HCFC2: variants seen among roughly 807,000 people sequenced by gnomAD.
HCFC2 encodes the protein host cell factor 2.
A neutral mutation model predicts 89.2 loss-of-function variants in HCFC2; 18 were observed. That is an observed-to-expected ratio of 0.20 (90% CI 0.14 to 0.30). The LOEUF (loss-of-function observed/expected upper bound fraction) is 0.30, where lower values mean the gene tolerates loss of function less well. HCFC2 is among the 10% of genes least tolerant of loss of function. The pLI is 1.00. For missense variants in HCFC2, 578 were observed against 956.1 expected (o/e 0.60, Z 5.21); for synonymous variants, 308 against 335.7 (o/e 0.92, Z 0.90).
chr12:104,074,248 CCTGCCT>C, intron 3 of HCFC2, among the ~76,000 whole-genome samples: 2 of 152,300 alleles, frequency 1.3e-5, no homozygotes, highest in South Asian at 4.1e-4. Context: ...AGACAGTCCC[CCTGCCT>C]CAGCCTCTTG....
chr12:104,089,354 A>G (rs1308087602), intron 9 of HCFC2, among the ~76,000 whole-genome samples: 1 of 152,070 alleles, frequency 6.6e-6, no homozygotes, highest in Admixed American at 6.6e-5. Context: ...CTCCTTAAAA[A>G]AAATGCAAAA....
intron 1 of HCFC2, 26 bp from the exon 2 acceptor site, chr12:104,066,141 G>A (rs776319133): frequency 1.2e-5 from 19 of 1,607,348 alleles, no homozygotes; most frequent in Non-Finnish European, 1.4e-5. Flanking sequence ...TGTTATAATC[G>A]GTTTTCATTT....
At chr12:104,098,082 G>A (rs568435853) in intron 12 of HCFC2, 25 of 325,510 alleles carry the variant, frequency 7.7e-5, no homozygotes, top group African/African-American at 5.1e-4. Context: ...ATCACTGATT[G>A]GAAAGCATGC....
At chr12:104,065,999 C>T (rs1883117703) in intron 1 of HCFC2, among the ~76,000 whole-genome samples, 168 bp from the exon 2 acceptor site, 1 of 151,980 alleles carries the variant, frequency 6.6e-6, no homozygotes, top group South Asian at 2.1e-4. Flanking sequence ...CAGTAACAGC[C>T]CCCTCCAGTT....
chr12:104,087,911 C>T, intron 8 of HCFC2, 75 bp from the exon 9 acceptor site: 1 of 813,638 alleles, frequency 1.2e-6, no homozygotes, highest in Non-Finnish European at 1.8e-6. Flanking sequence ...TAATATGTAA[C>T]TTTAAAAATA....
chr12:104,065,790 GT>G (rs1437706845), intron 1 of HCFC2, among the ~76,000 whole-genome samples: 1 of 152,128 alleles, frequency 6.6e-6, no homozygotes, highest in Non-Finnish European at 1.5e-5. Flanking sequence ...ACAATTTTCA[GT>G]TGTAAAATAG....
At chr12:104,078,116 AG>A (rs1883568174) in intron 3 of HCFC2, among the ~76,000 whole-genome samples, 1 of 152,076 alleles carries the variant, frequency 6.6e-6, no homozygotes, top group African/African-American at 2.4e-5. Context: ...CTCCTGCCTC[AG>A]CCTCCCGAGT....
Position 104,068,138 on chromosome 12 carries a change from T to C in HCFC2, c.473+31T>C. 1 of 1,521,080 alleles carries C rather than the reference T, an allele frequency of 6.6e-7. No homozygotes were observed. The highest frequency in any genetic ancestry group is 8.8e-7 in the Non-Finnish European group (1 of 1,134,890). The allele number at this position is 1,521,080 out of a possible 1,614,324, so 94.2% of individuals were successfully genotyped here. On this transcript the variant is annotated intron_variant, in intron 3 of 14. Transcript: ENST00000229330. The surrounding 1 kb of genome is among the most constrained non-coding windows in gnomAD (Gnocchi z 4.1). ...CTGACTCTTTCAGACCAAATGCTTATTTTATGATTTAGAGTAGGAACATTT... is the reference window on the plus strand; with the variant it reads ...CTGACTCTTTCAGACCAAATGCTTACTTTATGATTTAGAGTAGGAACATTT...
chr12:104,099,113 C>A (rs1336387706), intron 13 of HCFC2, among the ~76,000 whole-genome samples: 1 of 152,108 alleles, frequency 6.6e-6, no homozygotes, highest in African/African-American at 2.4e-5. Context: ...CAGAAAACTT[C>A]CAATCATGGC....
At position 104,079,554 on chromosome 12, in the gene HCFC2, G is replaced by A; in HGVS notation, c.583G>A (p.Ala195Thr). The A allele has an allele frequency of 6.2e-7, 1 of 1,614,048 alleles. No individual in the cohort carries two copies. Among genetic ancestry groups the A allele is most frequent in the Non-Finnish European group, 8.5e-7 (1 of 1,179,948 alleles). The part of the protein sequence containing the change: ...VVPSPRESHT[A>T]VIYCKKDSGS... ...GCCTTCTCCAAGAGAATCCCACACA[G>A]CTGTTATATATTGCAAAAAAGATTC... The change falls in exon 4 of 15, where the codon GCT (alanine) becomes ACT (threonine). Residue 195 changes from alanine (A) to threonine (T), a missense_variant. Physicochemically the swap from Ala to Thr is moderately conservative, Grantham distance 58. Coordinates refer to ENST00000229330, the MANE Select transcript of HCFC2 (RefSeq NM_013320.3).
chr12:104,103,581 C>T lies in HCFC2; in HGVS notation c.*308C>T. The T allele has an allele frequency of 3.5e-6, 1 of 287,620 alleles. No homozygotes were observed. The highest frequency in any genetic ancestry group is 4.8e-5 in the South Asian group (1 of 20,782). The allele number at this position is 287,620 out of a possible 1,614,324, so 17.8% of individuals were successfully genotyped here. ...AATATCTTTTATAAGGGCTGTGTAA[C>T]CCAGTCATCCTAGAGTTATTGAGAT... On this transcript the variant is annotated 3_prime_UTR_variant, in exon 15 of 15. Coordinates refer to ENST00000229330, the MANE Select transcript of HCFC2 (RefSeq NM_013320.3).
intron 3 of HCFC2, among the ~76,000 whole-genome samples, chr12:104,070,083 C>T (rs1035739619): frequency 3.3e-5 from 5 of 152,004 alleles, no homozygotes; most frequent in Non-Finnish European, 5.9e-5. Flanking sequence ...AGTGCAGTGG[C>T]GCAATCCCGT....
intron 14 of HCFC2, 44 bp downstream of exon 14, chr12:104,102,197 G>A: frequency 6.6e-7 from 1 of 1,506,168 alleles, no homozygotes; most frequent in Non-Finnish European, 9.1e-7. Context: ...TAAATTATTT[G>A]AAATTTCACA....
chr12:104,074,160 C>T (rs1454605279), intron 3 of HCFC2, among the ~76,000 whole-genome samples: 1 of 152,104 alleles, frequency 6.6e-6, no homozygotes, highest in Non-Finnish European at 1.5e-5. Flanking sequence ...CTTTTTGAGA[C>T]AGAGCCTCAC....
At chr12:104,079,364 T>A (rs1262021854) in intron 3 of HCFC2, 81 bp from the exon 4 acceptor site, 56 of 1,164,114 alleles carry the variant, frequency 4.8e-5, no homozygotes, top group Middle Eastern at 2.9e-4. Flanking sequence ...GTAAGCACAT[T>A]TTATCTTTAT....
chr12:104,079,854 C>T (rs1394813176), intron 4 of HCFC2, among the ~76,000 whole-genome samples: 1 of 152,214 alleles, frequency 6.6e-6, no homozygotes, highest in East Asian at 1.9e-4. Context: ...CAGTAACTCT[C>T]TTGTGCATTC....
At position 104,082,576 on chromosome 12, in the gene HCFC2, T is replaced by C; in HGVS notation, c.844T>C (p.Cys282Arg). ...ETSPHDCEWR[C>R]TSSFSYLNLD... ...TTCACCTCATGATTGTGAATGGAGA[T>C]GTACCAGTTCATTTTCTTACCTAAA... The change falls in exon 6 of 15, where the codon TGT becomes CGT. Residue 282 changes from cysteine (C) to arginine (R), a missense_variant. This residue lies in a region of HCFC2 where 206 missense variants were observed against 419.2 expected (regional missense o/e 0.49). Transcript: ENST00000229330. 1 of 1,613,412 alleles carries C rather than the reference T, an allele frequency of 6.2e-7. No homozygotes were observed. Among genetic ancestry groups the C allele is most frequent in the Non-Finnish European group, 8.5e-7 (1 of 1,179,392 alleles).
At chr12:104,066,873 C>T (rs148404297) in intron 2 of HCFC2, among the ~76,000 whole-genome samples, 7,155 of 152,294 alleles carry the variant, frequency 0.047, 187 homozygotes, top group South Asian at 0.11. Flanking sequence ...CTGCAACCTC[C>T]GTCTCCTGGG....
chr12:104,104,602 T>C lies in HCFC2; in HGVS notation c.*1329T>C, dbSNP rs559421954. 4.6e-5 allele frequency: 7 copies of C among 152,152 alleles called. No homozygotes were observed. Among genetic ancestry groups the C allele is most frequent in the African/African-American group, 1.7e-4 (7 of 41,576 alleles). The allele number at this position is 152,152 out of a possible 1,614,324, so 9.4% of individuals were successfully genotyped here. A position where few individuals can be genotyped will look rare whatever the true frequency, so the allele number is the denominator to read the frequency against. On this transcript the variant is annotated 3_prime_UTR_variant, in exon 15 of 15. Transcript: ENST00000229330. ...TAGCTATGTCCTCAAATTTCATGTATGATACCCCCCAGCAAAGATGGATTT... is the reference window on the plus strand; with the variant it reads ...TAGCTATGTCCTCAAATTTCATGTACGATACCCCCCAGCAAAGATGGATTT...
Sources: gnomAD v4.1 joint callset for allele counts (sites outside exome capture counted in the v4.1 genomes callset) on GRCh38, gnomAD v4.1.1 for gene constraint, gnomAD v4.1.1 regional missense constraint, Gnocchi (gnomAD v3.1) non-coding constraint, MANE v1.5 for transcripts, NCBI Gene and HGNC (gene_info 2026-07-23, HGNC 2026-07-21) for gene names.